The following WNK2 variants were observed in gnomAD, a reference collection of about 807,000 sequenced individuals.
WNK2 encodes WNK lysine deficient protein kinase 2, also known as serine/threonine-protein kinase WNK2.
WNK2 carries 67 observed loss-of-function variants against 192.1 expected under a neutral mutation model. The observed-to-expected ratio is 0.35, with a 90% CI of 0.29 to 0.43. The LOEUF (loss-of-function observed/expected upper bound fraction) is 0.43. Ranked by LOEUF, WNK2 falls within the 20% of genes least tolerant of loss-of-function variation. The pLI, the probability that WNK2 is intolerant of heterozygous loss-of-function variation, is 1.00. For missense variants in WNK2, 2,698 were observed against 3,089.7 expected, an observed-to-expected ratio of 0.87 and a Z score of 3.01; for synonymous variants, 1,439 against 1,393.9, an observed-to-expected ratio of 1.03 and a Z score of -0.72.
At chr9:93,301,892 A>G (rs968292026) in intron 26 of WNK2, among the ~76,000 whole-genome samples, 8 of 152,096 alleles carry the variant, frequency 5.3e-5, no homozygotes, top group African/African-American at 1.4e-4. Flanking sequence ...TTTGGGCCAT[A>G]ATGTCTCCCC....
At chr9:93,312,193 T>C (rs1036604420) in intron 28 of WNK2, among the ~76,000 whole-genome samples, 6 of 152,232 alleles carry the variant, frequency 3.9e-5, no homozygotes, top group African/African-American at 1.4e-4. Flanking sequence ...CTGTTGATAG[T>C]GCCTTTGGAT....
chr9:93,247,780 G>A lies in WNK2; in HGVS notation c.1780G>A (p.Ala594Thr), dbSNP rs1841982899. Reference sequence around the variant, plus strand: ...GCCACCAGAGCCCGAGGAGCCGGAGGCCGACCAGCACCTCCTGCCACCTAC... The same window carrying A: ...GCCACCAGAGCCCGAGGAGCCGGAGACCGACCAGCACCTCCTGCCACCTAC... ...PGPPEPEEPE[A>T]DQHLLPPTLP... Residue 594 changes from alanine (A) to threonine (T), a missense_variant, in exon 8 of 30, where the codon GCC (alanine) becomes ACC (threonine). Ala to Thr is a moderately conservative substitution (Grantham distance 58). This residue lies in a region of WNK2 where 893 missense variants were observed against 909.0 expected (regional missense o/e 0.98). Transcript: ENST00000427277. This position sits in a 1 kb window ranked among gnomAD's most constrained non-coding sequence, Gnocchi z 5.2. The A allele has an allele frequency of 1.9e-6, 3 of 1,548,696 alleles. No homozygotes were observed. The highest frequency in any genetic ancestry group is 2.6e-6 in the Non-Finnish European group (3 of 1,148,686).
chr9:93,209,529 G>T (rs1224067731), intron 2 of WNK2, among the ~76,000 whole-genome samples: 1 of 152,202 alleles, frequency 6.6e-6, no homozygotes, highest in Non-Finnish European at 1.5e-5. Flanking sequence ...TGGAACATCT[G>T]GGATTCTTCT....
intron 28 of WNK2, among the ~76,000 whole-genome samples, chr9:93,314,077 C>T (rs1387193024): frequency 6.6e-6 from 1 of 151,506 alleles, no homozygotes; most frequent in Non-Finnish European, 1.5e-5. Context: ...TCAAGACTAG[C>T]CTGGCCAACA....
chr9:93,192,206 C>T (rs1354308354), intron 2 of WNK2, among the ~76,000 whole-genome samples: 9 of 150,262 alleles, frequency 6.0e-5, no homozygotes, highest in East Asian at 4.0e-4. Context: ...CCCAGCTACT[C>T]GGGAGGCTGA....
chr9:93,231,506 A>C (rs1344501419), intron 4 of WNK2, among the ~76,000 whole-genome samples: 1 of 152,132 alleles, frequency 6.6e-6, no homozygotes, highest in Non-Finnish European at 1.5e-5. Context: ...CACTGTGGGC[A>C]CTCGGGAGAG....
chr9:93,251,460 C>CT (rs1207009846), intron 8 of WNK2, among the ~76,000 whole-genome samples: 1 of 152,108 alleles, frequency 6.6e-6, no homozygotes, highest in East Asian at 1.9e-4. Context: ...GGCATGGTGG[C>CT]TCCTTTTGGG....
intron 6 of WNK2, among the ~76,000 whole-genome samples, chr9:93,238,555 C>T (rs1415703058): frequency 2.0e-5 from 3 of 152,226 alleles, no homozygotes; most frequent in African/African-American, 7.2e-5. Context: ...AAACCCTCTC[C>T]TTGGCTTTGG....
At chr9:93,210,463 C>T (rs2131501988) in intron 2 of WNK2, among the ~76,000 whole-genome samples, 1 of 152,232 alleles carries the variant, frequency 6.6e-6, no homozygotes, top group East Asian at 1.9e-4. Flanking sequence ...ACACTGTCTG[C>T]AGCTGCCTCT....
intron 2 of WNK2, among the ~76,000 whole-genome samples, chr9:93,197,659 T>C (rs1831513867): frequency 2.0e-5 from 3 of 152,050 alleles, no homozygotes; most frequent in South Asian, 2.1e-4. Context: ...GTAGCTGGGA[T>C]TTATAGGTGT....
chr9:93,268,098 C>A, intron 18 of WNK2, 33 bp downstream of exon 18: 1 of 1,589,630 alleles, frequency 6.3e-7, no homozygotes, highest in Non-Finnish European at 8.6e-7. Flanking sequence ...TGCTTTTAAG[C>A]AGGCGTTTGA....
chr9:93,234,926 G>A lies in WNK2; in HGVS notation c.1194G>A (p.Glu398=). Residue 398 remains glutamate (E), a synonymous_variant, in exon 5 of 30, where the codon GAG becomes GAA. Transcript: ENST00000427277. The part of the protein sequence containing the change: ...EMATSEYPYS[E]CQNAAQIYRK... ...CCACCTCGGAGTACCCCTACTCGGA[G>A]TGCCAGAATGCGGCCCAGATCTACC... The A allele has an allele frequency of 1.2e-6, 2 of 1,614,202 alleles. No homozygotes were observed. The highest frequency in any genetic ancestry group is 1.7e-6 in the Non-Finnish European group (2 of 1,180,006).
rs543927889 is a variant in WNK2 at position 93,288,624 on chromosome 9, G to A, written c.4034-164G>A. On this transcript the variant is annotated intron_variant, in intron 19 of 29. Coordinates refer to ENST00000427277, the MANE Select transcript of WNK2 (RefSeq NM_006648.4). ...GTTACAGGAAGCAGCAGCCAAGGCT[G>A]GGCTGAGCTGCAGGCAGGCAGGAGC... Among the ~76,000 whole-genome samples, 118 of 152,322 alleles carry A rather than the reference G, an allele frequency of 7.7e-4. 1 individual carries two copies. Among genetic ancestry groups the A allele is most frequent in the African/African-American group, 2.4e-3 (99 of 41,568 alleles).
chr9:93,244,469 A>G (rs1841334480), intron 7 of WNK2, among the ~76,000 whole-genome samples: 1 of 152,230 alleles, frequency 6.6e-6, no homozygotes, highest in Non-Finnish European at 1.5e-5. Flanking sequence ...GTTTGGGAAA[A>G]AAAATAGAAG....
In WNK2 at chr9:93,247,483, G is replaced by A; in HGVS notation, c.1543-60G>A. 6.4e-7 allele frequency: 1 copy of A among 1,553,328 alleles called. No individual in the cohort carries two copies. The highest frequency in any genetic ancestry group is 1.9e-5 in the Admixed American group (1 of 53,640). On this transcript the variant is annotated intron_variant, in intron 7 of 29. Transcript: ENST00000427277. The surrounding 1 kb of genome is among the most constrained non-coding windows in gnomAD (Gnocchi z 5.2). ...AGTGATGGGAAAGCACTTTAGGTAA[G>A]GGGTGTGGGCCGGTGAGGGCTGATC...
rs1829136170 is a variant in WNK2, at chr9:93,185,580, C to T, written c.651C>T (p.Thr217=). The T allele has an allele frequency of 6.2e-7, 1 of 1,612,206 alleles. No individual in the cohort carries two copies. The highest frequency in any genetic ancestry group is 1.3e-5 in the African/African-American group (1 of 74,924). ...KTVYKGLDTE[T]WVEVAWCELQ... ...TCTACAAGGGGCTGGACACGGAGAC[C>T]TGGGTGGAGGTGGCCTGGTGTGAGC... The change falls in exon 2 of 30, where the codon ACC becomes ACT. Residue 217 remains threonine (T), a synonymous_variant. Transcript: ENST00000427277.
intron 28 of WNK2, chr9:93,309,012 C>T (rs1438530221): frequency 1.8e-5 from 18 of 1,010,084 alleles, no homozygotes; most frequent in Non-Finnish European, 2.1e-5. Context: ...GGCCATAGCT[C>T]ACACGCACCT....
chr9:93,239,462 ATAATGGGAGGCC>A lies in WNK2; in HGVS notation c.1323-289_1323-278del, dbSNP rs1345103873. ...GCACATCCACAGGGGCTGTATTTGC[ATAATGGGAGGCC>A]TAATGTTTTTCCAAATCCTCTTTTG... On this transcript the variant is annotated intron_variant, in intron 6 of 29. Transcript: ENST00000427277. The surrounding 1 kb of genome is among the most constrained non-coding windows in gnomAD (Gnocchi z 4.2). Among the ~76,000 whole-genome samples the A allele has an allele frequency of 6.6e-6, 1 of 152,160 alleles. No homozygotes were observed. The highest frequency in any genetic ancestry group is 2.4e-5 in the African/African-American group (1 of 41,432).
Position 93,235,784 on chromosome 9 carries a change from G to A in WNK2, c.1233+819G>A, listed in dbSNP as rs192149018. Among the ~76,000 whole-genome samples, 1,191 of 152,310 alleles carry A rather than the reference G, an allele frequency of 7.8e-3. 18 individuals are homozygous for A. The highest frequency in any genetic ancestry group is 0.027 in the African/African-American group (1,122 of 41,556). On this transcript the variant is annotated intron_variant, in intron 5 of 29. Coordinates refer to ENST00000427277, the MANE Select transcript of WNK2 (RefSeq NM_006648.4). ...ACATGCCACCTGACTGGGTGGGGCC[G>A]CGCTGCCCCTCAGTGCTGCTCTGCG...
Sources: allele counts gnomAD v4.1 joint callset (sites outside exome capture counted in the v4.1 genomes callset), GRCh38; gene constraint gnomAD v4.1.1; regional missense constraint gnomAD v4.1.1; non-coding constraint Gnocchi (gnomAD v3.1); transcripts MANE v1.5; gene names NCBI Gene and HGNC (gene_info 2026-07-23, HGNC 2026-07-21).